RALGAPA1: variants seen among roughly 807,000 people sequenced by gnomAD.
RALGAPA1 encodes Ral GTPase activating protein catalytic subunit alpha 1.
Under a neutral mutation model 269.6 loss-of-function variants are expected in RALGAPA1, and 52 were observed. The ratio of observed to expected loss-of-function variants is 0.19; its 90% CI spans 0.15 to 0.24. RALGAPA1 has a LOEUF of 0.24. RALGAPA1 is among the 10% of genes least tolerant of loss of function. The pLI, the probability that RALGAPA1 is intolerant of heterozygous loss-of-function variation, is 1.00. For missense variants in RALGAPA1, 1,917 were observed against 3,013.9 expected (o/e 0.64, Z 8.52); for synonymous variants, 817 against 1,008.3 (o/e 0.81, Z 3.60).
At chr14:35,563,928 T>C (rs2056492860) in intron 39 of RALGAPA1, among the ~76,000 whole-genome samples, 1 of 152,048 alleles carries the variant, frequency 6.6e-6, no homozygotes, top group Admixed American at 6.6e-5. Flanking sequence ...TCTCCTGAAT[T>C]TTGAATCAAA....
intron 12 of RALGAPA1, among the ~76,000 whole-genome samples, chr14:35,738,000 A>G (rs540484761): frequency 6.6e-5 from 10 of 151,830 alleles, no homozygotes; most frequent in Admixed American, 4.6e-4. Context: ...AGGCAGGAGA[A>G]GCATTTGAAC....
Position 35,643,157 on chromosome 14 carries a change from A to C in RALGAPA1, c.5677-7559T>G, listed in dbSNP as rs371817373. Among the ~76,000 whole-genome samples the C allele has an allele frequency of 7.9e-5, 12 of 151,880 alleles. No homozygotes were observed. In the South Asian group the frequency reaches 8.4e-4, roughly 11 times the overall value. On this transcript the variant is annotated intron_variant, in intron 31 of 41. Coordinates refer to ENST00000680220, the MANE Select transcript of RALGAPA1 (RefSeq NM_001346249.2). ...TGAGAACACTTAGACACAGGATGGG[A>C]AACATCACACACCAGGGCCTTTCGA...
At chr14:35,664,582 G>A in intron 27 of RALGAPA1, 60 bp downstream of exon 27, 2 of 1,324,748 alleles carry the variant, frequency 1.5e-6, no homozygotes, top group Non-Finnish European at 2.1e-6. Context: ...AAATTTTATT[G>A]CATATACTTT....
intron 11 of RALGAPA1, among the ~76,000 whole-genome samples, chr14:35,739,709 A>G (rs552583572): frequency 1.3e-5 from 2 of 152,224 alleles, no homozygotes; most frequent in South Asian, 2.1e-4. Context: ...CCTCTCCCTT[A>G]TATTTCCACT....
chr14:35,676,336 C>G (rs1250035779), intron 22 of RALGAPA1: 1 of 152,124 alleles, frequency 6.6e-6, no homozygotes. Flanking sequence ...CTCAGCCTAC[C>G]GAGTAGCTGG....
intron 1 of RALGAPA1, among the ~76,000 whole-genome samples, chr14:35,787,856 G>A (rs1260082025): frequency 2.0e-5 from 3 of 150,864 alleles, no homozygotes; most frequent in African/African-American, 7.3e-5. Flanking sequence ...TGCTGGAATT[G>A]CAGTTGTAAG....
chr14:35,672,984 T>A lies in RALGAPA1; in HGVS notation c.4956A>T (p.Leu1652Phe), dbSNP rs2064608009. Residue 1652 changes from leucine (L) to phenylalanine (F), a missense_variant, in exon 25 of 42, where the codon TTA (leucine) becomes TTT (phenylalanine). Physicochemically the swap from Leu to Phe is conservative, Grantham distance 22. Coordinates refer to ENST00000680220, the MANE Select transcript of RALGAPA1 (RefSeq NM_001346249.2). The stretch of plus-strand genomic sequence containing the variant: ...TATTACAAATAAGTTTATATGCATG[T>A]AATTTACCTTGTTTATATTTATCAG... Reference protein sequence around the residue: ...MLTDKYKQGKLHAYKLICNTM... With the variant: ...MLTDKYKQGKFHAYKLICNTM... 1 of 1,552,546 alleles carries A rather than the reference T, an allele frequency of 6.4e-7. No homozygotes were observed. Among genetic ancestry groups the A allele is most frequent in the African/African-American group, 1.4e-5 (1 of 71,730 alleles).
At position 35,689,043 on chromosome 14, in the gene RALGAPA1, G is replaced by A. The variant is rs1595151572; in HGVS notation, c.3368C>T (p.Ser1123Phe). The A allele has an allele frequency of 8.1e-7, 1 of 1,236,088 alleles. No homozygotes were observed. The highest frequency in any genetic ancestry group is 3.1e-5 in the East Asian group (1 of 31,900). The allele number at this position is 1,236,088 out of a possible 1,614,324, so 76.6% of individuals were successfully genotyped here. Residue 1123 changes from serine to phenylalanine, a missense_variant, in exon 18 of 42, where the codon TCT becomes TTT. Transcript: ENST00000680220. Reference sequence around the variant, plus strand: ...TTCAGACAAGCTCCTTTTAGTTGGAGAAAGTTTGCTAGTACTTGTAACATG... The same window carrying A: ...TTCAGACAAGCTCCTTTTAGTTGGAAAAAGTTTGCTAGTACTTGTAACATG... ...MPHVTSTSKL[S>F]PTKRSLSETV...
At chr14:35,777,108 C>G (rs2075096699) in intron 1 of RALGAPA1, among the ~76,000 whole-genome samples, 1 of 152,038 alleles carries the variant, frequency 6.6e-6, no homozygotes, top group South Asian at 2.1e-4. Context: ...CTTGTAATCA[C>G]ATTTTAAGAA....
chr14:35,671,660 A>T, intron 25 of RALGAPA1, 143 bp from the exon 26 acceptor site: 2 of 462,264 alleles, frequency 4.3e-6, no homozygotes, highest in Non-Finnish European at 7.9e-6. Context: ...GACTAATTTC[A>T]ATTCTTCCAA....
At chr14:35,548,990 A>G in intron 40 of RALGAPA1, 120 bp downstream of exon 40, 4 of 1,164,828 alleles carry the variant, frequency 3.4e-6, no homozygotes, top group Non-Finnish European at 4.8e-6. Flanking sequence ...CAAATATTAA[A>G]TAGTGATTAA....
chr14:35,542,634 A>G (rs975663632), intron 41 of RALGAPA1: 12 of 152,374 alleles, frequency 7.9e-5, no homozygotes, highest in Middle Eastern at 3.4e-3. Context: ...AACAACCTAC[A>G]TTTCATTTCA....
chr14:35,610,725 T>C (rs1347242323), intron 35 of RALGAPA1, among the ~76,000 whole-genome samples: 1 of 152,176 alleles, frequency 6.6e-6, no homozygotes, highest in African/African-American at 2.4e-5. Flanking sequence ...ACTTTTTATA[T>C]AGAAAATCCT....
chr14:35,646,460 C>T lies in RALGAPA1; in HGVS notation c.5676+5345G>A, dbSNP rs139981318. The stretch of plus-strand genomic sequence containing the variant: ...TCTTCTGAGGTATTCCTGCCAAATA[C>T]GCCTAATTTAAATCCAATAATAACA... On this transcript the variant is annotated intron_variant, in intron 31 of 41. Coordinates refer to ENST00000680220, the MANE Select transcript of RALGAPA1 (RefSeq NM_001346249.2). Among the ~76,000 whole-genome samples the T allele has an allele frequency of 1.2e-3, 180 of 152,206 alleles. 1 individual carries two copies. The highest frequency in any genetic ancestry group is 4.0e-3 in the African/African-American group (167 of 41,532).
At chr14:35,798,983 T>A (rs2076771298) in intron 1 of RALGAPA1, among the ~76,000 whole-genome samples, 2 of 143,970 alleles carry the variant, frequency 1.4e-5, no homozygotes. Context: ...GCAACACAGC[T>A]GTCTGTGTCA....
chr14:35,714,525 G>C (rs2068637703), intron 16 of RALGAPA1, among the ~76,000 whole-genome samples: 1 of 152,120 alleles, frequency 6.6e-6, no homozygotes, highest in South Asian at 2.1e-4. Context: ...AATAACACCA[G>C]CTCTCTACCT....
chr14:35,548,034 T>C (rs973615011), intron 41 of RALGAPA1, among the ~76,000 whole-genome samples: 3 of 152,134 alleles, frequency 2.0e-5, no homozygotes, highest in African/African-American at 2.4e-5. Context: ...ACTTCAAGCA[T>C]ATTATGTCCT....
chr14:35,731,411 C>T (rs1262697113), intron 12 of RALGAPA1, among the ~76,000 whole-genome samples: 2 of 152,018 alleles, frequency 1.3e-5, no homozygotes, highest in Non-Finnish European at 2.9e-5. Context: ...AAAAAGAATT[C>T]AGGAGGTTAG....
chr14:35,645,451 C>A (rs1196145344), intron 31 of RALGAPA1, among the ~76,000 whole-genome samples: 1 of 151,190 alleles, frequency 6.6e-6, no homozygotes, highest in East Asian at 1.9e-4. Flanking sequence ...ATACCCCAGG[C>A]CGGGCGCAAT....
Sources: allele counts gnomAD v4.1 joint callset (sites outside exome capture counted in the v4.1 genomes callset), GRCh38; gene constraint gnomAD v4.1.1; transcripts MANE v1.5; gene names NCBI Gene and HGNC (gene_info 2026-07-23, HGNC 2026-07-21).